NDUFAF2: variants seen among roughly 807,000 people sequenced by gnomAD.
NDUFAF2 encodes NADH dehydrogenase [ubiquinone] 1 alpha subcomplex assembly factor 2.
A neutral mutation model predicts 22.8 loss-of-function variants in NDUFAF2; 13 were observed. That is an observed-to-expected ratio of 0.57 (90% CI 0.37 to 0.91). The LOEUF is 0.91. Among genes scored for constraint, NDUFAF2 ranks in the 40% least tolerant of loss-of-function variants. The probability of loss-of-function intolerance (pLI) is 0.01; values close to 1 mark genes in which losing one functional copy is unlikely to be tolerated. For missense variants in NDUFAF2, 162 were observed against 195.2 expected (o/e 0.83, Z 1.01); for synonymous variants, 53 against 64.2 (o/e 0.83, Z 0.84).
chr5:61,029,640 G>C (rs1388648659), intron 1 of NDUFAF2, among the ~76,000 whole-genome samples: 1 of 152,060 alleles, frequency 6.6e-6, no homozygotes, highest in African/African-American at 2.4e-5. Context: ...AGCATTCTGT[G>C]CTGCAAGTGT....
chr5:61,143,963 TGTGTG>T (rs1561138968), intron 3 of NDUFAF2, among the ~76,000 whole-genome samples: 6 of 11,688 alleles, frequency 5.1e-4, no homozygotes, highest in Admixed American at 4.8e-3. Flanking sequence ...CATATTTTTG[TGTGTG>T]TGTGTGTGTG....
At chr5:61,023,255 T>A (rs1245401738) in intron 1 of NDUFAF2, among the ~76,000 whole-genome samples, 8 of 152,128 alleles carry the variant, frequency 5.3e-5, no homozygotes, top group Non-Finnish European at 1.2e-4. Flanking sequence ...TTGGTTCTTT[T>A]AAAAATATTT....
intron 3 of NDUFAF2, among the ~76,000 whole-genome samples, chr5:61,104,410 G>T (rs1484213732): frequency 6.6e-6 from 1 of 151,950 alleles, no homozygotes; most frequent in East Asian, 1.9e-4. Flanking sequence ...ACAGGCAGTA[G>T]AAAAAAGTTA....
At chr5:60,983,262 G>C (rs1169079000) in intron 1 of NDUFAF2, among the ~76,000 whole-genome samples, 4 of 107,336 alleles carry the variant, frequency 3.7e-5, no homozygotes, top group Non-Finnish European at 7.8e-5. Context: ...TTTTTTTCTT[G>C]TAAATTTGTT....
chr5:61,120,183 C>G (rs1752959466), intron 3 of NDUFAF2, among the ~76,000 whole-genome samples: 1 of 152,160 alleles, frequency 6.6e-6, no homozygotes, highest in Admixed American at 6.6e-5. Flanking sequence ...ATAATGACCT[C>G]TACCTCTGTG....
At chr5:61,106,420 T>TATA (rs1752763455) in intron 3 of NDUFAF2, among the ~76,000 whole-genome samples, 1 of 151,318 alleles carries the variant, frequency 6.6e-6, no homozygotes, top group African/African-American at 2.5e-5. Context: ...TTGTGGGTAC[T>TATA]TAGTAGGTGT....
At chr5:61,065,869 A>T (rs1752220472) in intron 1 of NDUFAF2, among the ~76,000 whole-genome samples, 1 of 152,072 alleles carries the variant, frequency 6.6e-6, no homozygotes, top group Non-Finnish European at 1.5e-5. Context: ...AAACAGAAAT[A>T]AAAGGCATCC....
intron 1 of NDUFAF2, among the ~76,000 whole-genome samples, chr5:61,062,085 A>G (rs1375950413): frequency 3.3e-5 from 5 of 152,220 alleles, no homozygotes; most frequent in Non-Finnish European, 7.3e-5. Context: ...ACCACTCTGT[A>G]AAGTTTGGAA....
At chr5:61,049,861 T>G (rs879693130) in intron 1 of NDUFAF2, among the ~76,000 whole-genome samples, 10 of 148,182 alleles carry the variant, frequency 6.7e-5, no homozygotes, top group Non-Finnish European at 1.3e-4. Context: ...AAATTATATA[T>G]ACACAAATTA....
chr5:61,060,581 A>G (rs878906053), intron 1 of NDUFAF2, among the ~76,000 whole-genome samples: 1 of 152,072 alleles, frequency 6.6e-6, no homozygotes, highest in African/African-American at 2.4e-5. Context: ...TGTCCTACCT[A>G]TTTGATCACC....
At chr5:61,117,450 G>C (rs1317272512) in intron 3 of NDUFAF2, among the ~76,000 whole-genome samples, 2 of 152,060 alleles carry the variant, frequency 1.3e-5, no homozygotes, top group Non-Finnish European at 2.9e-5. Flanking sequence ...TGAACTCCTG[G>C]GCTCAAGAGT....
chr5:61,139,217 A>T (rs1212973127), intron 3 of NDUFAF2, among the ~76,000 whole-genome samples: 1 of 152,200 alleles, frequency 6.6e-6, no homozygotes, highest in African/African-American at 2.4e-5. Context: ...AAAATCATCT[A>T]GTAACACAGT....
chr5:61,090,658 A>G (rs1752555145), intron 2 of NDUFAF2, among the ~76,000 whole-genome samples: 3 of 152,088 alleles, frequency 2.0e-5, no homozygotes, highest in South Asian at 2.1e-4. Context: ...AAAAAAAATC[A>G]TAATTATACA....
At chr5:61,017,692 G>A (rs80299772) in intron 1 of NDUFAF2, among the ~76,000 whole-genome samples, 29 of 152,184 alleles carry the variant, frequency 1.9e-4, no homozygotes, top group African/African-American at 5.5e-4. Flanking sequence ...TTGCTTGAGC[G>A]CAGGAGTTTG....
At position 60,961,936 on chromosome 5, in the gene NDUFAF2, G is replaced by A. The variant is rs542359963; in HGVS notation, c.127+16554G>A. Among the ~76,000 whole-genome samples the A allele has an allele frequency of 2.6e-5, 4 of 151,330 alleles. No individual in the cohort carries two copies. The South Asian group carries it at 8.3e-4, about 32-fold the overall frequency. On this transcript the variant is annotated intron_variant, in intron 1 of 3. Transcript: ENST00000296597. ...TGATTGCATCACTGCACTCCAGCCT[G>A]AGTGACACAGCAAGACTCTTTCTCT...
At chr5:61,111,650 A>G (rs903209112) in intron 3 of NDUFAF2, among the ~76,000 whole-genome samples, 2 of 150,910 alleles carry the variant, frequency 1.3e-5, no homozygotes, top group African/African-American at 4.9e-5. Flanking sequence ...ACAGAGTCTC[A>G]CTCTGTTGCC....
chr5:61,121,782 G>A (rs1465554015), intron 3 of NDUFAF2, among the ~76,000 whole-genome samples: 3 of 151,778 alleles, frequency 2.0e-5, no homozygotes, highest in Admixed American at 2.0e-4. Context: ...TAGGAGGAGG[G>A]AATTCTGCCT....
At chr5:60,983,761 T>G (rs936617173) in intron 1 of NDUFAF2, among the ~76,000 whole-genome samples, 2 of 151,092 alleles carry the variant, frequency 1.3e-5, no homozygotes, top group African/African-American at 4.8e-5. Context: ...TTGGTCTATA[T>G]CTCTGTTTTG....
At chr5:60,998,927 C>A (rs1319885538) in intron 1 of NDUFAF2, among the ~76,000 whole-genome samples, 1 of 151,590 alleles carries the variant, frequency 6.6e-6, no homozygotes, top group Non-Finnish European at 1.5e-5. Context: ...GACACTGTAC[C>A]AACTTACACT....
Sources: allele counts gnomAD v4.1 joint callset (sites outside exome capture counted in the v4.1 genomes callset), GRCh38; gene constraint gnomAD v4.1.1; transcripts MANE v1.5; gene names NCBI Gene and HGNC (gene_info 2026-07-23, HGNC 2026-07-21).